The following SGCD variants were observed in gnomAD, a reference collection of about 807,000 sequenced individuals.
SGCD encodes sarcoglycan delta, also known as delta-sarcoglycan.
In SGCD, 18 loss-of-function variants were observed where a neutral mutation model predicts 36.6. The ratio of observed to expected loss-of-function variants is 0.49; its 90% CI spans 0.34 to 0.73. SGCD has a LOEUF of 0.73. Among genes scored for constraint, SGCD ranks in the 30% least tolerant of loss-of-function variants. The pLI is 0.01. For synonymous variants in SGCD, 133 were observed against 130.6 expected (o/e 1.02, Z -0.12); for missense variants, 387 against 346.7 (o/e 1.12, Z -0.92).
In SGCD at chr5:156,406,018, T is replaced by TA. The variant is rs10529406; in HGVS notation, c.192+61357dup. Among the ~76,000 whole-genome samples, 154 of 103,978 alleles carry TA rather than the reference T, an allele frequency of 1.5e-3. 7 individuals are homozygous for TA. The highest frequency in any genetic ancestry group is 3.6e-3 in the East Asian group (10 of 2,812). 68.2% of individuals were successfully genotyped at this position (103,978 alleles called of 152,430 possible). A position where few individuals can be genotyped will look rare whatever the true frequency, so the allele number is the denominator to read the frequency against. On this transcript the variant is annotated intron_variant, in intron 3 of 8. Coordinates refer to ENST00000337851, the MANE Select transcript of SGCD (RefSeq NM_000337.6). Reference sequence around the variant, plus strand: ...TGCTGTATTTGGCCCTATCTTTGCTTAAAAAAAAAAAAAAAAGGCCTCTGG... The same window carrying TA: ...TGCTGTATTTGGCCCTATCTTTGCTTAAAAAAAAAAAAAAAAAGGCCTCTGG...
intron 3 of SGCD, among the ~76,000 whole-genome samples, chr5:156,319,895 A>G (rs2127695774): frequency 6.6e-6 from 1 of 152,316 alleles, no homozygotes; most frequent in Middle Eastern, 3.4e-3. Context: ...TCTGCAATCC[A>G]TTGCGGAAAG....
rs549173308 is a variant in SGCD, at chr5:156,272,489, G to A, written c.-43-57045G>A. Among the ~76,000 whole-genome samples, 33 of 152,262 alleles carry A rather than the reference G, an allele frequency of 2.2e-4. No homozygotes were observed. In the South Asian group the frequency reaches 3.3e-3, roughly 15 times the overall value. On this transcript the variant is annotated intron_variant, in intron 3 of 9. Coordinates refer to the SGCD transcript ENST00000517913. The stretch of plus-strand genomic sequence containing the variant: ...ATTGTGCTGCTAGAAGCATGTGTGT[G>A]CATATGTCTTTTTCATATAATGACT...
At position 155,967,096 on chromosome 5, in the gene SGCD, G is replaced by A. The variant is rs149570735; in HGVS notation, c.-282+96672G>A. On this transcript the variant is annotated intron_variant, in intron 1 of 9. Coordinates refer to the SGCD transcript ENST00000517913. ...GATAACTAGCAGGCATTTTTTTTCC[G>A]AAGCATTTCTTTCTTCTAGAATCCC... 1.7e-3 allele frequency among the ~76,000 whole-genome samples: 259 copies of A among 151,772 alleles called. 1 individual carries two copies. Among genetic ancestry groups the A allele is most frequent in the Non-Finnish European group, 2.9e-3 (198 of 67,886 alleles).
At chr5:155,730,527 T>G in the SGCD span, among the ~76,000 whole-genome samples, 1 of 150,008 alleles carries the variant, frequency 6.7e-6, no homozygotes, top group African/African-American at 2.5e-5. Flanking sequence ...ACATACATAG[T>G]AGGCACTCCG....
rs915664737 is a variant in SGCD, at chr5:156,011,450, T to G, written c.-281-106428T>G. ...AGAAATAATCTGCAGAATTCTATTG[T>G]TTTTTTTTTTAGATGAGTCTCGGTC... On this transcript the variant is annotated intron_variant, in intron 1 of 9. Coordinates refer to the SGCD transcript ENST00000517913. Among the ~76,000 whole-genome samples the G allele has an allele frequency of 3.8e-4, 52 of 135,120 alleles. 1 individual carries two copies. The highest frequency in any genetic ancestry group is 2.2e-4 in the South Asian group (1 of 4,536). The allele number at this position is 135,120 out of a possible 152,430, so 88.6% of individuals were successfully genotyped here.
At chr5:156,399,157 A>G (rs1211583159) in intron 3 of SGCD, among the ~76,000 whole-genome samples, 1 of 152,224 alleles carries the variant, frequency 6.6e-6, no homozygotes, top group African/African-American at 2.4e-5. Context: ...CTGACCCTCA[A>G]AAGACAAATA....
intron 3 of SGCD, among the ~76,000 whole-genome samples, chr5:156,286,743 C>A (rs550885817): frequency 1.3e-5 from 2 of 152,050 alleles, no homozygotes; most frequent in South Asian, 4.2e-4. Flanking sequence ...TTACTGGGTG[C>A]AGCACACCAA....
At chr5:155,871,713 A>G (rs1755660444) in intron 1 of SGCD, among the ~76,000 whole-genome samples, 1 of 152,184 alleles carries the variant, frequency 6.6e-6, no homozygotes, top group Admixed American at 6.5e-5. Context: ...AGCATTGGGT[A>G]GGTAAATAAG....
chr5:156,719,972 ACT>A (rs938378578), intron 7 of SGCD, among the ~76,000 whole-genome samples: 4 of 152,018 alleles, frequency 2.6e-5, no homozygotes, highest in South Asian at 2.1e-4. Context: ...AGAGAGAAAC[ACT>A]CTCTAACAGA....
chr5:155,847,055 T>C, the SGCD span, among the ~76,000 whole-genome samples: 6 of 152,220 alleles, frequency 3.9e-5, no homozygotes, highest in East Asian at 1.2e-3. Context: ...GTACCATTCT[T>C]AGTGAGAACT....
intron 3 of SGCD, among the ~76,000 whole-genome samples, chr5:156,451,784 C>T (rs1230482907): frequency 6.6e-6 from 1 of 152,184 alleles, no homozygotes; most frequent in African/African-American, 2.4e-5. Flanking sequence ...ACACTTCATT[C>T]TGTCTGCACT....
intron 3 of SGCD, among the ~76,000 whole-genome samples, chr5:156,231,715 T>G (rs1368548361): frequency 1.3e-5 from 2 of 152,162 alleles, no homozygotes. Flanking sequence ...TTTAGATATA[T>G]AGAGAGCTTG....
intron 3 of SGCD, among the ~76,000 whole-genome samples, chr5:156,182,816 T>C (rs530436304): frequency 5.4e-4 from 82 of 152,290 alleles, no homozygotes; most frequent in African/African-American, 1.9e-3. Flanking sequence ...GCCTAGCCAG[T>C]GAGGTGTTAG....
chr5:156,625,375 A>G (rs1213140465), intron 6 of SGCD, among the ~76,000 whole-genome samples: 1 of 152,224 alleles, frequency 6.6e-6, no homozygotes, highest in Non-Finnish European at 1.5e-5. Context: ...GTGATAAAAT[A>G]ATGTATGTTT....
chr5:156,445,448 A>G (rs1753720285), intron 3 of SGCD, among the ~76,000 whole-genome samples: 1 of 152,180 alleles, frequency 6.6e-6, no homozygotes, highest in Non-Finnish European at 1.5e-5. Context: ...TGGGAAATAC[A>G]AAATATCAGC....
chr5:156,506,392 T>C (rs1165339211), intron 3 of SGCD, among the ~76,000 whole-genome samples: 1 of 152,020 alleles, frequency 6.6e-6, no homozygotes, highest in Non-Finnish European at 1.5e-5. Flanking sequence ...CACCCCTTAT[T>C]TTCCAGTTCC....
intron 3 of SGCD, among the ~76,000 whole-genome samples, chr5:156,379,847 TTTTGAC>T (rs1178534978): frequency 1.3e-5 from 2 of 152,230 alleles, no homozygotes; most frequent in Non-Finnish European, 2.9e-5. Flanking sequence ...AACACCAGTC[TTTTGAC>T]TTTGAAGATT....
rs377069639 is a variant in SGCD, at chr5:156,556,704, C to G, written c.295-32527C>G. On this transcript the variant is annotated intron_variant, in intron 4 of 8. Transcript: ENST00000337851. ...TTTAAAGCAAGGAGCAATGTAGAGT[C>G]AAGTCATGTGCATTTTACTCTCAGA... 9.9e-5 allele frequency among the ~76,000 whole-genome samples: 15 copies of G among 152,270 alleles called. No individual in the cohort carries two copies. The East Asian group carries it at 2.9e-3, about 29-fold the overall frequency.
rs546812738 is a variant in SGCD at position 156,396,597 on chromosome 5, G to A, written c.192+51920G>A. Among the ~76,000 whole-genome samples, 10 of 152,190 alleles carry A rather than the reference G, an allele frequency of 6.6e-5. No individual in the cohort carries two copies. In the South Asian group the frequency reaches 1.9e-3, roughly 28 times the overall value. Reference sequence around the variant, plus strand: ...GGTTAATATGTTTTGAGTGTTCCGCGGTGTGGAGCATGGTAGGGTAGTTTA... The same window carrying A: ...GGTTAATATGTTTTGAGTGTTCCGCAGTGTGGAGCATGGTAGGGTAGTTTA... On this transcript the variant is annotated intron_variant, in intron 3 of 8. Transcript: ENST00000337851.
Sources: gnomAD v4.1 joint callset for allele counts (sites outside exome capture counted in the v4.1 genomes callset) on GRCh38, gnomAD v4.1.1 for gene constraint, MANE v1.5 for transcripts, NCBI Gene and HGNC (gene_info 2026-07-23, HGNC 2026-07-21) for gene names.